The following SUGCT variants were observed in gnomAD, a reference collection of about 807,000 sequenced individuals.
SUGCT encodes the protein succinyl-CoA:glutarate-CoA transferase, also known as succinyl-CoA:glutarate CoA-transferase.
Under a neutral mutation model 55.0 loss-of-function variants are expected in SUGCT, and 41 were observed. The observed-to-expected ratio is 0.74, with a 90% CI of 0.58 to 0.97. The LOEUF is 0.97. Among genes scored for constraint, SUGCT ranks in the 50% least tolerant of loss-of-function variants. The pLI is 0.00. For synonymous variants in SUGCT, 187 were observed against 200.4 expected (o/e 0.93, Z 0.56); for missense variants, 568 against 547.8 (o/e 1.04, Z -0.37).
At chr7:40,407,162 A>C (rs1163215384) in intron 9 of SUGCT, among the ~76,000 whole-genome samples, 1 of 152,154 alleles carries the variant, frequency 6.6e-6, no homozygotes, top group African/African-American at 2.4e-5. Flanking sequence ...ACGTACACAA[A>C]AATGCTTGCA....
At chr7:40,423,413 A>T (rs1787417502) in intron 9 of SUGCT, among the ~76,000 whole-genome samples, 1 of 152,160 alleles carries the variant, frequency 6.6e-6, no homozygotes, top group Non-Finnish European at 1.5e-5. Context: ...TTGGCAATAA[A>T]TTCCCAGAAT....
At chr7:40,216,196 A>C (rs1787627264) in intron 6 of SUGCT, among the ~76,000 whole-genome samples, 1 of 151,866 alleles carries the variant, frequency 6.6e-6, no homozygotes, top group Non-Finnish European at 1.5e-5. Flanking sequence ...AGATTCACAA[A>C]TAGCTTACAA....
In SUGCT at chr7:40,634,239, C is replaced by T. The variant is rs547912606; in HGVS notation, c.1090-115195C>T. Among the ~76,000 whole-genome samples the T allele has an allele frequency of 8.5e-5, 13 of 152,284 alleles. No individual in the cohort carries two copies. The South Asian group carries it at 1.5e-3, about 17-fold the overall frequency. On this transcript the variant is annotated intron_variant, in intron 12 of 13. Transcript: ENST00000335693. ...AGTGAAAAAACACATGGCGAGCTGG[C>T]GCTGAAGTGCCTGGGGCACTGAGAC... is the stretch of plus-strand genomic sequence containing the variant.
At chr7:40,977,197 G>T in the SUGCT span, among the ~76,000 whole-genome samples, 5 of 152,180 alleles carry the variant, frequency 3.3e-5, no homozygotes, top group Non-Finnish European at 7.3e-5. Context: ...CCATTTGGCC[G>T]ATCCTCTGGC....
At chr7:40,192,226 C>A (rs1785960307) in intron 5 of SUGCT, among the ~76,000 whole-genome samples, 1 of 151,146 alleles carries the variant, frequency 6.6e-6, no homozygotes, top group African/African-American at 2.4e-5. Flanking sequence ...AAGTATTACA[C>A]AAGGCAATCA....
the SUGCT span, among the ~76,000 whole-genome samples, chr7:40,958,348 C>G: frequency 0.33 from 50,388 of 151,516 alleles, 9,085 homozygotes; most frequent in Admixed American, 0.45. Context: ...TTTTTGGAGG[C>G]TTTGTTCATT....
At chr7:40,898,486 G>GGGGGGC in the SUGCT span, among the ~76,000 whole-genome samples, 2 of 91,560 alleles carry the variant, frequency 2.2e-5, no homozygotes, top group Non-Finnish European at 4.7e-5. Context: ...AGGTCGGGGG[G>GGGGGGC]GGGGGGGGGG....
intron 11 of SUGCT, among the ~76,000 whole-genome samples, chr7:40,489,120 C>A (rs975388461): frequency 6.6e-6 from 1 of 151,970 alleles, no homozygotes; most frequent in South Asian, 2.1e-4. Context: ...GGTCTCATAC[C>A]TCCATTAAGC....
the SUGCT span, among the ~76,000 whole-genome samples, chr7:40,931,843 A>G: frequency 3.9e-5 from 6 of 152,128 alleles, no homozygotes; most frequent in Non-Finnish European, 7.3e-5. Context: ...CTAGCAGTCT[A>G]TCAATTTTGT....
intron 9 of SUGCT, among the ~76,000 whole-genome samples, chr7:40,416,162 A>G (rs1204972469): frequency 1.3e-5 from 2 of 151,952 alleles, no homozygotes; most frequent in African/African-American, 4.8e-5. Flanking sequence ...ACAACAAAAT[A>G]GAGGGTTTTT....
intron 7 of SUGCT, among the ~76,000 whole-genome samples, chr7:40,241,472 G>C (rs1380862612): frequency 1.3e-5 from 2 of 151,464 alleles, no homozygotes; most frequent in African/African-American, 4.9e-5. Context: ...CCAGCCACCC[G>C]GAAGGCTGAA....
At chr7:40,989,696 G>A in the SUGCT span, among the ~76,000 whole-genome samples, 1 of 152,100 alleles carries the variant, frequency 6.6e-6, no homozygotes, top group African/African-American at 2.4e-5. Context: ...GCTGGAACCT[G>A]GGAGGCAGAG....
the SUGCT span, among the ~76,000 whole-genome samples, chr7:40,894,638 A>C: frequency 1.3e-5 from 2 of 152,212 alleles, no homozygotes; most frequent in Non-Finnish European, 2.9e-5. Context: ...CCTCATTAAA[A>C]AGTGGACAAA....
intron 10 of SUGCT, among the ~76,000 whole-genome samples, chr7:40,451,154 A>G (rs1369560530): frequency 1.3e-5 from 2 of 152,180 alleles, no homozygotes; most frequent in Admixed American, 6.5e-5. Flanking sequence ...GCAGAGATGT[A>G]TAAGCCAGTT....
chr7:40,528,857 T>G lies in SUGCT; in HGVS notation c.1089+32471T>G, dbSNP rs116407022. Among the ~76,000 whole-genome samples the G allele has an allele frequency of 7.1e-3, 1,085 of 152,344 alleles. 9 individuals are homozygous for G. The highest frequency in any genetic ancestry group is 0.023 in the African/African-American group (940 of 41,586). On this transcript the variant is annotated intron_variant, in intron 12 of 13. Coordinates refer to ENST00000335693, the MANE Select transcript of SUGCT (RefSeq NM_001193313.2). ...TGACAATAAACAATAGAGTCATCAT[T>G]TGGCTTTGATCTTTCAAACATGTGT... is the stretch of plus-strand genomic sequence containing the variant.
At chr7:40,751,090 G>T (rs1383576027) in intron 13 of SUGCT, among the ~76,000 whole-genome samples, 2 of 152,170 alleles carry the variant, frequency 1.3e-5, no homozygotes, top group Admixed American at 1.3e-4. Context: ...GGTCAGATGG[G>T]GCCTTCTGTA....
intron 12 of SUGCT, among the ~76,000 whole-genome samples, chr7:40,668,906 G>A (rs1801786578): frequency 6.6e-6 from 1 of 152,100 alleles, no homozygotes; most frequent in East Asian, 1.9e-4. Context: ...TTCTACCCTT[G>A]TCAGGGTATA....
chr7:40,540,800 G>C (rs1295940000), intron 12 of SUGCT, among the ~76,000 whole-genome samples: 1 of 152,212 alleles, frequency 6.6e-6, no homozygotes. Context: ...TTAGAATTCT[G>C]TGCATTAACA....
chr7:40,732,105 G>C (rs894127011), intron 12 of SUGCT, among the ~76,000 whole-genome samples: 2 of 152,172 alleles, frequency 1.3e-5, no homozygotes, highest in Non-Finnish European at 2.9e-5. Flanking sequence ...AGTTCTGGAG[G>C]CCAGAAATTC....
Sources: allele counts gnomAD v4.1 joint callset (sites outside exome capture counted in the v4.1 genomes callset), GRCh38; gene constraint gnomAD v4.1.1; transcripts MANE v1.5; gene names NCBI Gene and HGNC (gene_info 2026-07-23, HGNC 2026-07-21).